SOX6: variants seen among roughly 807,000 people sequenced by gnomAD.
SOX6 encodes SRY-box transcription factor 6, also known as transcription factor SOX-6.
SOX6 carries 11 observed loss-of-function variants against 97.8 expected under a neutral mutation model. The ratio of observed to expected loss-of-function variants is 0.11; its 90% CI spans 0.07 to 0.19. The LOEUF (loss-of-function observed/expected upper bound fraction) is 0.19. SOX6 is among the 10% of genes least tolerant of loss of function. The pLI, the probability that SOX6 is intolerant of heterozygous loss-of-function variation, is 1.00. For missense variants in SOX6, 810 were observed against 1,039.5 expected, an observed-to-expected ratio of 0.78 and a Z score of 3.04; for synonymous variants, 360 against 371.4, an observed-to-expected ratio of 0.97 and a Z score of 0.35.
At chr11:16,200,857 G>T (rs1851916392) in intron 4 of SOX6, among the ~76,000 whole-genome samples, 6 of 152,114 alleles carry the variant, frequency 3.9e-5, no homozygotes, top group Admixed American at 2.6e-4. Flanking sequence ...TGTAATCCCA[G>T]CACTTTGGGA....
chr11:16,675,233 T>C (rs1033829133), intron 3 of SOX6, among the ~76,000 whole-genome samples: 3 of 152,368 alleles, frequency 2.0e-5, no homozygotes, highest in East Asian at 1.9e-4. Flanking sequence ...CTCTGCAACA[T>C]TGAACTCCTT....
chr11:16,631,781 T>A (rs183684121), intron 3 of SOX6, among the ~76,000 whole-genome samples: 108 of 152,342 alleles, frequency 7.1e-4, no homozygotes, highest in African/African-American at 1.3e-3. Context: ...ACATTTTTTT[T>A]AAATTCTTTT....
At chr11:16,280,161 C>G (rs1854513728) in intron 3 of SOX6, among the ~76,000 whole-genome samples, 1 of 152,002 alleles carries the variant, frequency 6.6e-6, no homozygotes, top group Non-Finnish European at 1.5e-5. Context: ...GCGTAAGAGT[C>G]AAATATTTCC....
rs141127605 is a variant in SOX6 at position 16,662,374 on chromosome 11, T to A, written n.430-50114A>T. Among the ~76,000 whole-genome samples the A allele has an allele frequency of 8.1e-3, 1,229 of 152,304 alleles. 21 individuals are homozygous for A. Among genetic ancestry groups the A allele is most frequent in the African/African-American group, 0.027 (1,116 of 41,578 alleles). ...GTTTGTGAAAAGAATTCAATGTAAT[T>A]CTTAACCTTATTCCTCTGTAAATAA... On this transcript the variant is annotated intron_variant and non_coding_transcript_variant, in intron 3 of 5. Transcript: ENST00000524520.
chr11:16,219,565 G>T (rs1163262393), intron 4 of SOX6, among the ~76,000 whole-genome samples: 1 of 151,968 alleles, frequency 6.6e-6, no homozygotes, highest in African/African-American at 2.4e-5. Flanking sequence ...CATTAAATAT[G>T]CACTCAGTAG....
chr11:16,242,375 G>A (rs1192426389), intron 3 of SOX6, among the ~76,000 whole-genome samples: 3 of 151,892 alleles, frequency 2.0e-5, no homozygotes, highest in Non-Finnish European at 2.9e-5. Context: ...ATGTAGGTTT[G>A]TGTAAGTACC....
chr11:16,017,603 C>G (rs1366677501), intron 12 of SOX6, among the ~76,000 whole-genome samples: 1 of 152,042 alleles, frequency 6.6e-6, no homozygotes, highest in Non-Finnish European at 1.5e-5. Context: ...CTACAAGTTA[C>G]GTCTGGGCAG....
chr11:16,418,954 G>A (rs1194401694), intron 1 of SOX6, among the ~76,000 whole-genome samples: 1 of 152,130 alleles, frequency 6.6e-6, no homozygotes, highest in East Asian at 1.9e-4. Flanking sequence ...GTCCTAGCTG[G>A]GTAACATGTG....
intron 15 of SOX6, among the ~76,000 whole-genome samples, chr11:15,977,237 A>C (rs1853512379): frequency 6.6e-6 from 1 of 151,086 alleles, no homozygotes; most frequent in African/African-American, 2.4e-5. Context: ...TCATTCCAAC[A>C]CCCGACTATC....
At chr11:16,382,083 A>G (rs1197536584) in intron 1 of SOX6, among the ~76,000 whole-genome samples, 7 of 152,060 alleles carry the variant, frequency 4.6e-5, no homozygotes, top group Admixed American at 2.0e-4. Flanking sequence ...TAAAAGTCTT[A>G]AAAAGCAAAG....
intron 4 of SOX6, among the ~76,000 whole-genome samples, chr11:16,191,853 CTTTT>C (rs150673404): frequency 2.3e-5 from 2 of 87,866 alleles, no homozygotes; most frequent in Non-Finnish European, 5.4e-5. Context: ...TTTTTTTTTT[CTTTT>C]TTTTCTTTTT....
At chr11:16,390,708 T>C (rs950937452) in intron 1 of SOX6, among the ~76,000 whole-genome samples, 1 of 151,994 alleles carries the variant, frequency 6.6e-6, no homozygotes, top group Non-Finnish European at 1.5e-5. Context: ...GCTGGAGAGG[T>C]TGTGGAAAAA....
At chr11:16,071,612 C>T (rs1013188237) in intron 9 of SOX6, among the ~76,000 whole-genome samples, 2 of 152,066 alleles carry the variant, frequency 1.3e-5, no homozygotes, top group Non-Finnish European at 2.9e-5. Context: ...GCCACTCCCA[C>T]TAAAGCTTCC....
intron 6 of SOX6, among the ~76,000 whole-genome samples, chr11:16,163,357 T>A (rs1207530594): frequency 6.6e-6 from 1 of 152,176 alleles, no homozygotes; most frequent in African/African-American, 2.4e-5. Context: ...CAGTTTAAGA[T>A]CCTATAGATT....
At position 16,097,651 on chromosome 11, in the gene SOX6, C is replaced by T. The variant is rs777312638; in HGVS notation, c.936G>A (p.Met312Ile). ...NYPVQFIPSTMAAAAASGLSP... is the reference protein window; with the variant it reads ...NYPVQFIPSTIAAAAASGLSP... ...TGAGTCCAGAAGCAGCAGCAGCTGCCATTGTTGATGGAATGAACTGTACGG... is the reference window on the plus strand; with the variant it reads ...TGAGTCCAGAAGCAGCAGCAGCTGCTATTGTTGATGGAATGAACTGTACGG... The change falls in exon 8 of 16, where the codon ATG (methionine) becomes ATA (isoleucine). Residue 312 changes from methionine to isoleucine, a missense_variant. By Grantham distance (10) the Met-to-Ile change is conservative. Transcript: ENST00000683767. 1.2e-6 allele frequency: 2 copies of T among 1,611,068 alleles called. No individual in the cohort carries two copies. Among genetic ancestry groups the T allele is most frequent in the East Asian group, 2.2e-5 (1 of 44,824 alleles).
chr11:16,120,218 TTCTC>T (rs751982083), intron 6 of SOX6, among the ~76,000 whole-genome samples: 2 of 133,942 alleles, frequency 1.5e-5, no homozygotes, highest in South Asian at 5.3e-4. Context: ...GCTCTCTCTC[TTCTC>T]TCTCTCTCTC....
intron 3 of SOX6, among the ~76,000 whole-genome samples, chr11:16,660,059 CA>C (rs1847754559): frequency 6.6e-6 from 1 of 151,934 alleles, no homozygotes; most frequent in South Asian, 2.1e-4. Flanking sequence ...TTAATCTTTT[CA>C]AAGAGCCAAC....
rs73418988 is a variant in SOX6 at position 16,219,396 on chromosome 11, G to T, written c.535+15186C>A. Among the ~76,000 whole-genome samples, 627 of 152,032 alleles carry T rather than the reference G, an allele frequency of 4.1e-3. 8 individuals are homozygous for T. The highest frequency in any genetic ancestry group is 0.014 in the African/African-American group (597 of 41,528). ...GTCAGGCCCATTCTAATTTTATCTT[G>T]GTTAGTGCAATAGAAGTTTACTAGC... On this transcript the variant is annotated intron_variant, in intron 4 of 15. Transcript: ENST00000683767.
intron 4 of SOX6, among the ~76,000 whole-genome samples, chr11:16,567,614 G>C (rs1260473157): frequency 7.3e-6 from 1 of 136,692 alleles, no homozygotes; most frequent in Non-Finnish European, 1.5e-5. Flanking sequence ...TGTCGCCCAG[G>C]CTGGAGTGCA....
Sources: allele counts gnomAD v4.1 joint callset (sites outside exome capture counted in the v4.1 genomes callset), GRCh38; gene constraint gnomAD v4.1.1; transcripts MANE v1.5; gene names NCBI Gene and HGNC (gene_info 2026-07-23, HGNC 2026-07-21).